DAB1: variants seen among roughly 807,000 people sequenced by gnomAD.
DAB1 encodes DAB adaptor protein 1.
In DAB1, 15 loss-of-function variants were observed where a neutral mutation model predicts 64.6. The observed-to-expected ratio is 0.23, with a 90% CI of 0.16 to 0.36. The LOEUF is 0.36. Among genes scored for constraint, DAB1 ranks in the 10% least tolerant of loss-of-function variants. DAB1 has a pLI of 1.00. For missense variants in DAB1, 596 were observed against 706.7 expected, an observed-to-expected ratio of 0.84 and a Z score of 1.78; for synonymous variants, 235 against 251.9, an observed-to-expected ratio of 0.93 and a Z score of 0.64.
intron 3 of DAB1, among the ~76,000 whole-genome samples, chr1:58,399,612 T>C (rs1281776577): frequency 6.6e-6 from 1 of 152,198 alleles, no homozygotes; most frequent in East Asian, 1.9e-4. Context: ...TAACCACTCA[T>C]CTACCATCCA....
At chr1:58,058,994 C>A (rs1407376284) in intron 5 of DAB1, among the ~76,000 whole-genome samples, 1 of 152,182 alleles carries the variant, frequency 6.6e-6, no homozygotes, top group Non-Finnish European at 1.5e-5. Context: ...TACCTCAGTT[C>A]CTTTAAGACA....
chr1:57,386,171 G>A (rs1681807257), intron 1 of DAB1, among the ~76,000 whole-genome samples: 2 of 152,058 alleles, frequency 1.3e-5, no homozygotes, highest in Non-Finnish European at 2.9e-5. Flanking sequence ...TTCATAAATG[G>A]CATGGATGGT....
chr1:58,409,931 C>T (rs1460645776), intron 3 of DAB1, among the ~76,000 whole-genome samples: 2 of 152,190 alleles, frequency 1.3e-5, no homozygotes, highest in African/African-American at 2.4e-5. Flanking sequence ...CAGCAAAGCA[C>T]TGGTTTGATG....
chr1:58,269,423 A>G (rs1661258833), intron 4 of DAB1, among the ~76,000 whole-genome samples: 1 of 150,140 alleles, frequency 6.7e-6, no homozygotes, highest in Admixed American at 6.7e-5. Context: ...ATTGTTGGAC[A>G]TTTGGGTTGG....
chr1:58,300,659 A>C (rs1662145812), intron 4 of DAB1, among the ~76,000 whole-genome samples: 2 of 103,796 alleles, frequency 1.9e-5, no homozygotes, highest in African/African-American at 8.8e-5. Context: ...GAAGGAAGGA[A>C]GGAAGGAAGG....
At chr1:57,158,538 A>C (rs1287932577) in intron 2 of DAB1, among the ~76,000 whole-genome samples, 2 of 152,176 alleles carry the variant, frequency 1.3e-5, no homozygotes, top group Non-Finnish European at 2.9e-5. Flanking sequence ...TTGCTGAAAG[A>C]GCCCTATTGT....
intron 7 of DAB1, among the ~76,000 whole-genome samples, chr1:57,634,978 T>C (rs1646033792): frequency 6.6e-6 from 1 of 152,208 alleles, no homozygotes; most frequent in South Asian, 2.1e-4. Context: ...GCCATGCAGA[T>C]GTCTGGAGGA....
chr1:57,811,270 T>G (rs1449623582), intron 6 of DAB1, among the ~76,000 whole-genome samples: 1 of 152,202 alleles, frequency 6.6e-6, no homozygotes, highest in Non-Finnish European at 1.5e-5. Flanking sequence ...AGGTGGGGGC[T>G]GGTGGAAGGT....
intron 1 of DAB1, among the ~76,000 whole-genome samples, chr1:57,393,428 C>G (rs1406926745): frequency 6.6e-6 from 1 of 152,246 alleles, no homozygotes. Flanking sequence ...TGCAGTGACT[C>G]ATGCCTGTAA....
chr1:57,793,303 AGAAAT>A (rs1187194782), intron 6 of DAB1, among the ~76,000 whole-genome samples: 1 of 152,232 alleles, frequency 6.6e-6, no homozygotes, highest in Non-Finnish European at 1.5e-5. Flanking sequence ...ATAAAAGACT[AGAAAT>A]GACTGTTACC....
chr1:57,346,043 C>G (rs1237012751), intron 1 of DAB1, among the ~76,000 whole-genome samples: 2 of 152,120 alleles, frequency 1.3e-5, no homozygotes. Flanking sequence ...GAAACCTGTC[C>G]AAGGTCAGAG....
At chr1:57,118,220 G>C (rs146223096) in intron 4 of DAB1, among the ~76,000 whole-genome samples, 167 of 152,282 alleles carry the variant, frequency 1.1e-3, no homozygotes, top group Non-Finnish European at 1.7e-3. Flanking sequence ...TGTCAACAAT[G>C]ATTATCATCA....
At chr1:57,811,844 G>T (rs892603372) in intron 6 of DAB1, among the ~76,000 whole-genome samples, 2 of 152,138 alleles carry the variant, frequency 1.3e-5, no homozygotes, top group African/African-American at 4.8e-5. Context: ...AAGCCATGTG[G>T]GTGTGACTGT....
upstream of DAB1, among the ~76,000 whole-genome samples, chr1:57,887,194 C>A (rs1644236318): frequency 1.3e-5 from 2 of 152,168 alleles, no homozygotes; most frequent in South Asian, 4.1e-4. Context: ...TCTTCCATTG[C>A]ACTGTCTATT....
At chr1:57,072,200 G>A in intron 5 of DAB1, 83 bp downstream of exon 5, 1 of 1,439,828 alleles carries the variant, frequency 6.9e-7, no homozygotes, top group Non-Finnish European at 9.6e-7. Flanking sequence ...ATCTGAGAGT[G>A]GGCCCTCAAA....
intron 6 of DAB1, among the ~76,000 whole-genome samples, chr1:57,820,091 A>G (rs1652050524): frequency 6.6e-6 from 1 of 152,210 alleles, no homozygotes; most frequent in Non-Finnish European, 1.5e-5. Context: ...CTCCATTAAC[A>G]GAAACCAGTG....
chr1:58,523,576 G>A (rs563252967), intron 2 of DAB1, among the ~76,000 whole-genome samples: 1 of 152,234 alleles, frequency 6.6e-6, no homozygotes, highest in South Asian at 2.1e-4. Flanking sequence ...GGGGTTCCAG[G>A]TGACCAGAGG....
intron 7 of DAB1, among the ~76,000 whole-genome samples, chr1:57,528,437 G>T (rs1383867596): frequency 6.6e-6 from 1 of 152,026 alleles, no homozygotes; most frequent in African/African-American, 2.4e-5. Flanking sequence ...AGAGGAGAGA[G>T]ATAATGGGAC....
intron 4 of DAB1, among the ~76,000 whole-genome samples, chr1:57,100,385 T>C (rs1654560027): frequency 6.6e-6 from 1 of 152,186 alleles, no homozygotes; most frequent in Non-Finnish European, 1.5e-5. Context: ...ATACTGTTTG[T>C]TCACTTATTC....
Sources: allele counts gnomAD v4.1 joint callset (sites outside exome capture counted in the v4.1 genomes callset), GRCh38; gene constraint gnomAD v4.1.1; transcripts MANE v1.5; gene names NCBI Gene and HGNC (gene_info 2026-07-23, HGNC 2026-07-21).